Variants in RBFOX3 observed in about 807,000 individuals in gnomAD.
RBFOX3 encodes the protein RNA binding protein fox-1 homolog 3.
A neutral mutation model predicts 48.7 loss-of-function variants in RBFOX3; 17 were observed. That is an observed-to-expected ratio of 0.35 (90% confidence interval 0.24 to 0.52). RBFOX3 has a LOEUF of 0.52. RBFOX3 is among the 20% of genes least tolerant of loss of function. The probability of loss-of-function intolerance (pLI) is 0.94; values close to 1 mark genes in which losing one functional copy is unlikely to be tolerated. For synonymous variants in RBFOX3, 212 were observed against 209.5 expected, an observed-to-expected ratio of 1.01 and a Z score of -0.10; for missense variants, 382 against 497.5, an observed-to-expected ratio of 0.77 and a Z score of 2.21.
intron 2 of RBFOX3, among the ~76,000 whole-genome samples, chr17:79,460,475 G>A (rs750802890): frequency 3.3e-5 from 5 of 152,174 alleles, no homozygotes; most frequent in African/African-American, 7.2e-5. Flanking sequence ...TCGCAGGACT[G>A]TGCCAGCTAG....
chr17:79,571,748 G>A (rs2092685100), intron 1 of RBFOX3, among the ~76,000 whole-genome samples: 1 of 152,146 alleles, frequency 6.6e-6, no homozygotes, highest in Non-Finnish European at 1.5e-5. Flanking sequence ...GGATGTTCGT[G>A]AACTTGCTGC....
chr17:79,321,211 T>C (rs1454828727), intron 2 of RBFOX3, among the ~76,000 whole-genome samples: 2 of 152,216 alleles, frequency 1.3e-5, no homozygotes, highest in Admixed American at 6.5e-5. Context: ...GACACCACAG[T>C]CTTCTATGGG....
In RBFOX3 at chr17:79,252,852, G is replaced by C. The variant is rs76057126; in HGVS notation, c.-73-17047C>G. 0.023 allele frequency among the ~76,000 whole-genome samples: 3,565 copies of C among 152,200 alleles called. 131 individuals are homozygous for C. The highest frequency in any genetic ancestry group is 0.081 in the African/African-American group (3,374 of 41,506). On this transcript the variant is annotated intron_variant, in intron 3 of 14. Coordinates refer to ENST00000693108, the MANE Select transcript of RBFOX3 (RefSeq NM_001350451.2). The surrounding 1 kb of genome is among the most constrained non-coding windows in gnomAD (Gnocchi z 4.0). ...GGCTTTCTGCCTCTCCAATGAGACAGGAGGGCAGGGAGCTGAAAAATCTCA... is the reference window on the plus strand; with the variant it reads ...GGCTTTCTGCCTCTCCAATGAGACACGAGGGCAGGGAGCTGAAAAATCTCA...
intron 2 of RBFOX3, among the ~76,000 whole-genome samples, chr17:79,360,353 TGCACCCAGCTGG>T (rs147673213): frequency 0.011 from 1,644 of 152,314 alleles, 17 homozygotes; most frequent in Non-Finnish European, 0.018. Context: ...CAGGGAACCC[TGCACCCAGCTGG>T]GCACGCTCAT....
intron 1 of RBFOX3, chr17:79,600,782 C>T (rs1326513900): frequency 6.6e-6 from 1 of 152,278 alleles, no homozygotes; most frequent in African/African-American, 2.4e-5. Context: ...ACACTGCTCT[C>T]CTCCAACCAT....
At chr17:79,090,981 T>A in intron 14 of RBFOX3, 96 bp from the exon 15 acceptor site, 2 of 1,284,522 alleles carry the variant, frequency 1.6e-6, no homozygotes, top group Non-Finnish European at 2.1e-6. Context: ...GCCCCTGGCC[T>A]AAAGTCCTGG....
chr17:79,161,284 G>C (rs1289185106), intron 4 of RBFOX3, among the ~76,000 whole-genome samples: 1 of 152,148 alleles, frequency 6.6e-6, no homozygotes. Flanking sequence ...GCAGAGCCCA[G>C]GGGACAGGTC....
intron 5 of RBFOX3, among the ~76,000 whole-genome samples, 170 bp from the exon 6 acceptor site, chr17:79,106,958 A>G (rs2146672866): frequency 6.6e-6 from 1 of 152,116 alleles, no homozygotes; most frequent in Admixed American, 6.5e-5. Context: ...GGTTCCCATG[A>G]GATACAGCAC....
intron 2 of RBFOX3, among the ~76,000 whole-genome samples, chr17:79,474,941 C>T (rs1266611532): frequency 1.3e-5 from 2 of 152,190 alleles, no homozygotes; most frequent in African/African-American, 2.4e-5. Context: ...CAAGAGCCCC[C>T]TGGAGAGACC....
intron 3 of RBFOX3, among the ~76,000 whole-genome samples, chr17:79,266,832 C>T (rs890595124): frequency 1.3e-5 from 2 of 151,980 alleles, no homozygotes; most frequent in Admixed American, 6.5e-5. Flanking sequence ...TCCTGCTTGG[C>T]GAACACGTGG....
chr17:79,547,021 G>A (rs979124494), intron 1 of RBFOX3, among the ~76,000 whole-genome samples: 13 of 152,208 alleles, frequency 8.5e-5, no homozygotes, highest in Middle Eastern at 3.4e-3. Flanking sequence ...GCTCAGGGAC[G>A]AAAAGGGAAG....
At chr17:79,635,567 A>C in the RBFOX3 span, among the ~76,000 whole-genome samples, 1 of 152,222 alleles carries the variant, frequency 6.6e-6, no homozygotes, top group African/African-American at 2.4e-5. Context: ...AATGCTGTGT[A>C]AAACATAGAA....
chr17:79,366,515 A>G (rs1261866731), intron 2 of RBFOX3, among the ~76,000 whole-genome samples: 1 of 152,188 alleles, frequency 6.6e-6, no homozygotes, highest in Non-Finnish European at 1.5e-5. Context: ...GTGTCCCCAG[A>G]GCCTGAGAAA....
chr17:79,564,098 G>T (rs1421782916), intron 1 of RBFOX3, among the ~76,000 whole-genome samples: 1 of 152,190 alleles, frequency 6.6e-6, no homozygotes, highest in Non-Finnish European at 1.5e-5. Flanking sequence ...CTTACCCAAG[G>T]TCACACAGCT....
chr17:79,630,382 T>C, the RBFOX3 span, among the ~76,000 whole-genome samples: 1 of 152,192 alleles, frequency 6.6e-6, no homozygotes, highest in Non-Finnish European at 1.5e-5. Flanking sequence ...CTGTTGTTTT[T>C]ATTTGTTGTT....
At chr17:79,155,147 G>A (rs1246089824) in intron 4 of RBFOX3, among the ~76,000 whole-genome samples, 1 of 152,254 alleles carries the variant, frequency 6.6e-6, no homozygotes, top group Non-Finnish European at 1.5e-5. Flanking sequence ...TGTTGAAGTG[G>A]CCAGCTAGTG....
At chr17:79,179,998 G>A (rs2051518667) in intron 4 of RBFOX3, among the ~76,000 whole-genome samples, 1 of 152,250 alleles carries the variant, frequency 6.6e-6, no homozygotes, top group Non-Finnish European at 1.5e-5. Flanking sequence ...GGCATGAAGT[G>A]AGTGTGGCCC....
rs150429500 is a variant in RBFOX3, at chr17:79,296,404, G to A, written c.-74+11320C>T. ...AATAATCACATTGTTTGCCAGAGCC[G>A]GGCTGTGTTTTGTCGCTCTATGGGC... On this transcript the variant is annotated intron_variant, in intron 3 of 14. Coordinates refer to ENST00000693108, the MANE Select transcript of RBFOX3 (RefSeq NM_001350451.2). Among the ~76,000 whole-genome samples the A allele has an allele frequency of 4.5e-3, 684 of 152,146 alleles. 4 individuals carry two copies. Among genetic ancestry groups the A allele is most frequent in the African/African-American group, 0.016 (646 of 41,508 alleles).
intron 2 of RBFOX3, among the ~76,000 whole-genome samples, chr17:79,446,679 T>A (rs2072371106): frequency 6.6e-6 from 1 of 152,230 alleles, no homozygotes; most frequent in African/African-American, 2.4e-5. Context: ...ACCTGTCTCT[T>A]AATTTGCATG....
Sources: gnomAD v4.1 joint callset for allele counts (sites outside exome capture counted in the v4.1 genomes callset) on GRCh38, gnomAD v4.1.1 for gene constraint, Gnocchi (gnomAD v3.1) non-coding constraint, MANE v1.5 for transcripts, NCBI Gene and HGNC (gene_info 2026-07-23, HGNC 2026-07-21) for gene names.